SCAI: variants seen among roughly 807,000 people sequenced by gnomAD.
The protein encoded by SCAI is suppressor of cancer cell invasion.
SCAI carries 24 observed loss-of-function variants against 92.2 expected under a neutral mutation model. The ratio of observed to expected loss-of-function variants is 0.26; its 90% CI spans 0.19 to 0.37. The LOEUF is 0.37. Among genes scored for constraint, SCAI ranks in the 10% least tolerant of loss-of-function variants. The pLI is 1.00. For synonymous variants in SCAI, 261 were observed against 258.6 expected (o/e 1.01, Z -0.09); for missense variants, 450 against 736.2 (o/e 0.61, Z 4.50).
intron 2 of SCAI, among the ~76,000 whole-genome samples, chr9:125,063,542 GA>G (rs1291536197): frequency 6.6e-6 from 1 of 151,512 alleles, no homozygotes; most frequent in African/African-American, 2.4e-5. Flanking sequence ...TTGGATTTAA[GA>G]AAAAAAACTG....
intron 6 of SCAI, among the ~76,000 whole-genome samples, chr9:125,021,781 TTTTG>T (rs1186431959): frequency 2.0e-5 from 3 of 152,192 alleles, no homozygotes; most frequent in Admixed American, 1.3e-4. Context: ...TTGACTTTTT[TTTTG>T]TTTAAGAGAT....
In SCAI at chr9:124,945,707, A is replaced by AC. The variant is rs1226957440; in HGVS notation, c.*7099dup. The AC allele has an allele frequency of 2.0e-5, 3 of 152,298 alleles. No homozygotes were observed. Among genetic ancestry groups the AC allele is most frequent in the African/African-American group, 7.2e-5 (3 of 41,548 alleles). 9.4% of individuals were successfully genotyped at this position (152,298 alleles called of 1,614,324 possible). A position where few individuals can be genotyped will look rare whatever the true frequency, so the allele number is the denominator to read the frequency against. On this transcript the variant is annotated 3_prime_UTR_variant, in exon 18 of 18. Coordinates refer to ENST00000336505, the MANE Select transcript of SCAI (RefSeq NM_001144877.3). ...AGGCATATCACCCTACATCATCCTG[A>AC]CACCCTTCCCGTCAATAGGTGATTG...
intron 2 of SCAI, among the ~76,000 whole-genome samples, chr9:125,084,048 T>C (rs1186157045): frequency 6.6e-6 from 1 of 151,668 alleles, no homozygotes; most frequent in African/African-American, 2.4e-5. Flanking sequence ...GGTATGTACT[T>C]GGTGTACGGA....
At chr9:125,039,936 T>C (rs1313930208) in intron 3 of SCAI, among the ~76,000 whole-genome samples, 2 of 152,206 alleles carry the variant, frequency 1.3e-5, no homozygotes, top group African/African-American at 2.4e-5. Flanking sequence ...GTTTCTTTCC[T>C]TTTCAATTAT....
At chr9:124,987,140 C>T (rs150638364) in intron 14 of SCAI, among the ~76,000 whole-genome samples, 1,755 of 152,280 alleles carry the variant, frequency 0.012, 88 homozygotes, top group Admixed American at 0.083. Context: ...TCTCCTGCCT[C>T]GGCCTCCTGA....
intron 3 of SCAI, among the ~76,000 whole-genome samples, chr9:125,053,765 T>C (rs1413391085): frequency 6.6e-6 from 1 of 152,136 alleles, no homozygotes; most frequent in Non-Finnish European, 1.5e-5. Flanking sequence ...TCTGCAAACA[T>C]ACCAAACTTT....
chr9:125,091,043 G>A lies in SCAI; in HGVS notation c.99-35036C>T, dbSNP rs982171473. 1.3e-5 allele frequency among the ~76,000 whole-genome samples: 2 copies of A among 152,176 alleles called. No individual in the cohort carries two copies. The highest frequency in any genetic ancestry group is 4.8e-5 in the African/African-American group (2 of 41,452). Reference sequence around the variant, plus strand: ...TGAGGCAGGAGAATAGGTGAACCCGGGAGGCGGAGCTTGCAGTGAGCTGAG... The same window carrying A: ...TGAGGCAGGAGAATAGGTGAACCCGAGAGGCGGAGCTTGCAGTGAGCTGAG... On this transcript the variant is annotated intron_variant, in intron 2 of 17. Coordinates refer to ENST00000336505, the MANE Select transcript of SCAI (RefSeq NM_001144877.3). The surrounding 1 kb of genome is among the most constrained non-coding windows in gnomAD (Gnocchi z 4.3).
chr9:124,982,157 TCCAGAAACTACG>T (rs1240375604), intron 14 of SCAI, among the ~76,000 whole-genome samples: 1 of 152,212 alleles, frequency 6.6e-6, no homozygotes, highest in Admixed American at 6.5e-5. Context: ...AGTGCTATTT[TCCAGAAACTACG>T]CTAGGCTTCA....
chr9:125,089,858 A>AT (rs1334206117), intron 2 of SCAI, among the ~76,000 whole-genome samples: 12 of 152,172 alleles, frequency 7.9e-5, no homozygotes, highest in African/African-American at 2.2e-4. Context: ...TCTTAGGAAG[A>AT]TAAAAAAAAA....
intron 2 of SCAI, among the ~76,000 whole-genome samples, chr9:125,089,227 G>A (rs1834382004): frequency 6.6e-6 from 1 of 152,080 alleles, no homozygotes; most frequent in African/African-American, 2.4e-5. Flanking sequence ...AACCAATTGT[G>A]CTGCTGCAAA....
At chr9:125,100,422 T>C (rs1294927002) in intron 2 of SCAI, among the ~76,000 whole-genome samples, 3 of 152,170 alleles carry the variant, frequency 2.0e-5, no homozygotes, top group African/African-American at 7.2e-5. Context: ...GCAGGCCAGA[T>C]AGGTTAATGA....
chr9:125,116,934 C>T (rs1480767410), intron 2 of SCAI, among the ~76,000 whole-genome samples: 2 of 152,010 alleles, frequency 1.3e-5, no homozygotes, highest in African/African-American at 4.8e-5. Context: ...TATTCTTTAC[C>T]TGGTGTCAAT....
chr9:125,004,765 A>T lies in SCAI; in HGVS notation c.862-1195T>A, dbSNP rs71497075. 7.8e-3 allele frequency among the ~76,000 whole-genome samples: 57 copies of T among 7,308 alleles called. 3 individuals are homozygous for T. Among genetic ancestry groups the T allele is most frequent in the South Asian group, 0.019 (3 of 162 alleles). The allele number at this position is 7,308 out of a possible 152,430, so 4.8% of individuals were successfully genotyped here. Reference sequence around the variant, plus strand: ...TATATATATATATATATATATATATATATATATATATATATTTTTTTTTTT... The same window carrying T: ...TATATATATATATATATATATATATTTATATATATATATATTTTTTTTTTT... On this transcript the variant is annotated intron_variant, in intron 9 of 17. Coordinates refer to ENST00000336505, the MANE Select transcript of SCAI (RefSeq NM_001144877.3).
At chr9:125,128,908 T>C (rs993744425) in intron 2 of SCAI, among the ~76,000 whole-genome samples, 10 of 148,698 alleles carry the variant, frequency 6.7e-5, no homozygotes, top group Admixed American at 2.0e-4. Context: ...ACTAAAAATA[T>C]AAAAATTTGC....
intron 14 of SCAI, among the ~76,000 whole-genome samples, chr9:124,977,643 C>T (rs1348778183): frequency 6.6e-6 from 1 of 152,198 alleles, no homozygotes; most frequent in Non-Finnish European, 1.5e-5. Flanking sequence ...CACTGCACTC[C>T]ACCCTGCGCA....
At chr9:124,968,532 A>G in intron 17 of SCAI, 4 of 867,564 alleles carry the variant, frequency 4.6e-6, no homozygotes, top group Non-Finnish European at 8.0e-6. Flanking sequence ...TTTACCAGTT[A>G]AGACACCACT....
intron 2 of SCAI, among the ~76,000 whole-genome samples, chr9:125,132,272 C>T (rs1835418121): frequency 6.6e-6 from 1 of 152,070 alleles, no homozygotes; most frequent in Admixed American, 6.6e-5. Flanking sequence ...TACCACCACG[C>T]CTGGCTAGTT....
intron 5 of SCAI, among the ~76,000 whole-genome samples, chr9:125,027,423 C>T (rs1233728246): frequency 6.6e-6 from 1 of 152,190 alleles, no homozygotes; most frequent in African/African-American, 2.4e-5. Flanking sequence ...AAATATTCTA[C>T]CCAAGAGAGT....
At chr9:125,114,048 CTG>C (rs1412662043) in intron 2 of SCAI, among the ~76,000 whole-genome samples, 3 of 152,188 alleles carry the variant, frequency 2.0e-5, no homozygotes, top group Non-Finnish European at 4.4e-5. Flanking sequence ...GGTTCCCAAA[CTG>C]TGTGCTCAGG....
Sources: allele counts gnomAD v4.1 joint callset (sites outside exome capture counted in the v4.1 genomes callset), GRCh38; gene constraint gnomAD v4.1.1; non-coding constraint Gnocchi (gnomAD v3.1); transcripts MANE v1.5; gene names NCBI Gene and HGNC (gene_info 2026-07-23, HGNC 2026-07-21).